Variants in CDH7 observed in about 807,000 individuals in gnomAD.
CDH7 encodes cadherin 7, also known as cadherin-7.
CDH7 carries 25 observed loss-of-function variants against 71.8 expected under a neutral mutation model. The observed-to-expected ratio is 0.35, with a 90% CI of 0.25 to 0.49. CDH7 has a LOEUF of 0.49. CDH7 is among the 20% of genes least tolerant of loss of function. The probability of loss-of-function intolerance (pLI) is 0.99; values close to 1 mark genes in which losing one functional copy is unlikely to be tolerated. For missense variants in CDH7, 862 were observed against 974.6 expected (o/e 0.88, Z 1.54); for synonymous variants, 381 against 363.8 (o/e 1.05, Z -0.54).
intron 7 of CDH7, among the ~76,000 whole-genome samples, chr18:65,853,282 C>G (rs762960198): frequency 6.6e-6 from 1 of 152,134 alleles, no homozygotes; most frequent in Non-Finnish European, 1.5e-5. Flanking sequence ...TCTAGTTCAG[C>G]CTCCAATTAA....
At chr18:65,766,462 T>C (rs1042659159) in intron 2 of CDH7, among the ~76,000 whole-genome samples, 1 of 152,094 alleles carries the variant, frequency 6.6e-6, no homozygotes, top group Admixed American at 6.6e-5. Context: ...GGAGTGCTTC[T>C]AGAACCCTTA....
Position 65,822,189 on chromosome 18 carries a change from C to T in CDH7, c.734C>T (p.Thr245Ile), listed in dbSNP as rs1911958433. The T allele has an allele frequency of 1.9e-6, 3 of 1,613,438 alleles. No homozygotes were observed. Among genetic ancestry groups the T allele is most frequent in the East Asian group, 2.2e-5 (1 of 44,840 alleles). ...GGTCAAAATGGAGGACTGTCAGGAA[C>T]TACATCAGTCACTGTGACCCTAACT... Reference protein sequence around the residue: ...MVGQNGGLSGTTSVTVTLTDV... With the variant: ...MVGQNGGLSGITSVTVTLTDV... Residue 245 changes from threonine (T) to isoleucine (I), a missense_variant, in exon 5 of 12, where the codon ACT becomes ATT. Coordinates refer to ENST00000397968, the MANE Select transcript of CDH7 (RefSeq NM_004361.5).
intron 2 of CDH7, among the ~76,000 whole-genome samples, chr18:65,786,411 G>GC (rs150817763): frequency 7.2e-5 from 11 of 151,850 alleles, no homozygotes; most frequent in South Asian, 2.1e-4. Context: ...GCCCACAACC[G>GC]CCCCCCCAGT....
chr18:65,864,560 T>C (rs546354673), intron 11 of CDH7, among the ~76,000 whole-genome samples: 1 of 152,178 alleles, frequency 6.6e-6, no homozygotes, highest in South Asian at 2.1e-4. Context: ...ATTTATTTTA[T>C]AGTAGCAGAA....
chr18:65,823,044 T>C lies in CDH7; in HGVS notation c.793+796T>C, dbSNP rs529289627. On this transcript the variant is annotated intron_variant, in intron 5 of 11. Transcript: ENST00000397968. ...TCTGTACAATGTCTCTAAAATGCTT[T>C]TCCAGTAGAAATGGGGAACTAAACT... Among the ~76,000 whole-genome samples the C allele has an allele frequency of 5.3e-5, 8 of 152,006 alleles. No individual in the cohort carries two copies. In the South Asian group the frequency reaches 1.7e-3, roughly 32 times the overall value.
At chr18:65,763,307 A>G (rs1489783745) in intron 2 of CDH7, among the ~76,000 whole-genome samples, 1 of 152,166 alleles carries the variant, frequency 6.6e-6, no homozygotes, top group East Asian at 1.9e-4. Context: ...TGAGGATTCT[A>G]CAGAGGCCTA....
chr18:65,873,739 C>T (rs1192352642), intron 11 of CDH7, among the ~76,000 whole-genome samples: 2 of 152,060 alleles, frequency 1.3e-5, no homozygotes, highest in Non-Finnish European at 2.9e-5. Context: ...TCATAAGAGA[C>T]CATATAGATG....
At chr18:65,778,672 TTTTG>T (rs1360865841) in intron 2 of CDH7, among the ~76,000 whole-genome samples, 6 of 151,376 alleles carry the variant, frequency 4.0e-5, no homozygotes, top group Non-Finnish European at 5.9e-5. Context: ...TTTTCTTTTT[TTTTG>T]TTTGTTTTTC....
chr18:65,786,487 G>T (rs116237611), intron 2 of CDH7, among the ~76,000 whole-genome samples: 254 of 152,220 alleles, frequency 1.7e-3, no homozygotes, highest in African/African-American at 5.9e-3. Flanking sequence ...TAGCTTCAGA[G>T]TAAATCTACC....
chr18:65,853,926 T>TATATATATATATATCC (rs1555689500), intron 7 of CDH7, among the ~76,000 whole-genome samples: 2 of 95,062 alleles, frequency 2.1e-5, no homozygotes, highest in African/African-American at 8.1e-5. Context: ...TATATATATA[T>TATATATATATATATCC]ATATATATAT....
chr18:65,789,929 T>A (rs1910649641), intron 2 of CDH7, among the ~76,000 whole-genome samples: 1 of 151,890 alleles, frequency 6.6e-6, no homozygotes, highest in Non-Finnish European at 1.5e-5. Flanking sequence ...CCATGTTAAA[T>A]TTGAAGTTGC....
intron 2 of CDH7, among the ~76,000 whole-genome samples, chr18:65,775,033 T>A (rs1201276403): frequency 6.6e-6 from 1 of 152,174 alleles, no homozygotes; most frequent in Non-Finnish European, 1.5e-5. Context: ...AAATGAGTGT[T>A]GAACCCAGAA....
intron 4 of CDH7, among the ~76,000 whole-genome samples, chr18:65,815,510 A>C (rs1911693085): frequency 1.3e-5 from 2 of 152,352 alleles, no homozygotes; most frequent in East Asian, 3.9e-4. Context: ...GTTTACCAAA[A>C]GGGCAATATT....
chr18:65,785,261 T>G (rs1395456000), intron 2 of CDH7, among the ~76,000 whole-genome samples: 2 of 152,048 alleles, frequency 1.3e-5, no homozygotes, highest in African/African-American at 2.4e-5. Flanking sequence ...TATTAGGCGA[T>G]TCTCAAATAA....
chr18:65,837,717 C>T (rs9963814), intron 6 of CDH7, among the ~76,000 whole-genome samples: 106,022 of 151,912 alleles, frequency 0.7, 37,272 homozygotes, highest in East Asian at 0.96. Flanking sequence ...AAACATAAGG[C>T]CTTCTTGGTC....
chr18:65,816,537 A>G (rs1344177405), intron 4 of CDH7, among the ~76,000 whole-genome samples: 1 of 152,190 alleles, frequency 6.6e-6, no homozygotes, highest in African/African-American at 2.4e-5. Context: ...TATTGAAATT[A>G]TGCTAAATAA....
At chr18:65,879,386 T>C (rs959028740) in intron 11 of CDH7, among the ~76,000 whole-genome samples, 18 of 152,180 alleles carry the variant, frequency 1.2e-4, no homozygotes, top group African/African-American at 4.3e-4. Context: ...CGTAAGCTGA[T>C]GCAATATAAA....
chr18:65,834,306 G>A (rs1174325781), intron 6 of CDH7, among the ~76,000 whole-genome samples: 1 of 152,162 alleles, frequency 6.6e-6, no homozygotes, highest in Non-Finnish European at 1.5e-5. Flanking sequence ...ATATGTCTAA[G>A]AAGTCATGAA....
Position 65,857,906 on chromosome 18 carries a change from A to G in CDH7, c.1326A>G (p.Arg442=), listed in dbSNP as rs370850445. 13 of 1,613,668 alleles carry G rather than the reference A, an allele frequency of 8.1e-6. No homozygotes were observed. The highest frequency in any genetic ancestry group is 1.7e-5 in the Admixed American group (1 of 59,958). The change falls in exon 8 of 12, where the codon CGA becomes CGG. Residue 442 remains arginine (R), a synonymous_variant. Transcript: ENST00000397968. ...TCACAACTGCCAAGTCTTTGGATCG[A>G]GAGACAAATGCTATTCACAATATCA... is the stretch of plus-strand genomic sequence containing the variant. ...GVITTAKSLD[R]ETNAIHNITV...
Sources: allele counts gnomAD v4.1 joint callset (sites outside exome capture counted in the v4.1 genomes callset), GRCh38; gene constraint gnomAD v4.1.1; transcripts MANE v1.5; gene names NCBI Gene and HGNC (gene_info 2026-07-23, HGNC 2026-07-21).